Variants in CEP170B observed in about 807,000 individuals in gnomAD.
CEP170B encodes the protein centrosomal protein of 170 kDa protein B.
A neutral mutation model predicts 120.6 loss-of-function variants in CEP170B; 55 were observed. The observed-to-expected ratio is 0.46, with a 90% CI of 0.37 to 0.57. The LOEUF is 0.57. Among genes scored for constraint, CEP170B ranks in the 20% least tolerant of loss-of-function variants. CEP170B has a pLI of 0.00. For synonymous variants in CEP170B, 1,033 were observed against 954.5 expected, an observed-to-expected ratio of 1.08 and a Z score of -1.52; for missense variants, 2,212 against 2,253.3, an observed-to-expected ratio of 0.98 and a Z score of 0.37.
intron 2 of CEP170B, among the ~76,000 whole-genome samples, chr14:104,872,392 C>T (rs549979917): frequency 3.5e-5 from 2 of 57,890 alleles, no homozygotes; most frequent in East Asian, 3.4e-4. Context: ...GCATGTGTGC[C>T]GTGGGTGTGC....
rs370195295 is a variant in CEP170B, at chr14:104,884,249, C to T, written c.1470C>T (p.Phe490=). The T allele has an allele frequency of 9.6e-5, 148 of 1,544,616 alleles. 1 individual carries two copies. The highest frequency in any genetic ancestry group is 6.0e-4 in the African/African-American group (44 of 73,138). The change falls in exon 9 of 19, where the codon TTC becomes TTT. Residue 490 remains phenylalanine (F), a synonymous_variant. Transcript: ENST00000414716. ...SPASRTPARP[F]GSVGRRSRLA... is the part of the protein sequence containing the mutation. ...CCTCCCGAACCCCTGCCCGCCCCTT[C>T]GGAAGCGTGGGGCGCCGCTCCCGCC...
rs774713847 is a variant in CEP170B, at chr14:104,878,509, C to T, written c.333+8C>T. The T allele has an allele frequency of 1.5e-5, 24 of 1,609,866 alleles. No homozygotes were observed. Among genetic ancestry groups the T allele is most frequent in the East Asian group, 8.9e-5 (4 of 44,874 alleles). On this transcript the variant is annotated splice_region_variant and intron_variant, in intron 5 of 18. Transcript: ENST00000414716. ...CCGGAGGAGGCACTCAAGGTTAGTGCTGGCCAAGCCCGGGTGGCTCAGCCA... is the reference window on the plus strand; with the variant it reads ...CCGGAGGAGGCACTCAAGGTTAGTGTTGGCCAAGCCCGGGTGGCTCAGCCA...
chr14:104,892,079 G>A (rs1169952636), intron 13 of CEP170B, among the ~76,000 whole-genome samples: 1 of 152,142 alleles, frequency 6.6e-6, no homozygotes, highest in Non-Finnish European at 1.5e-5. Context: ...CCAGTGTGGG[G>A]GCCGAGGAGG....
chr14:104,879,536 T>C (rs1269465240), intron 5 of CEP170B, among the ~76,000 whole-genome samples: 1 of 152,144 alleles, frequency 6.6e-6, no homozygotes, highest in East Asian at 1.9e-4. Context: ...CCCGAGTTCC[T>C]GTCAGTCTCT....
chr14:104,893,626 A>C lies in CEP170B; in HGVS notation c.4142A>C (p.Asp1381Ala). 1 of 1,597,038 alleles carries C rather than the reference A, an allele frequency of 6.3e-7. No individual in the cohort carries two copies. The highest frequency in any genetic ancestry group is 1.1e-5 in the South Asian group (1 of 88,186). Residue 1381 changes from aspartate (D) to alanine (A), a missense_variant, in exon 15 of 19, where the codon GAC (aspartate) becomes GCC (alanine). Coordinates refer to ENST00000414716, the MANE Select transcript of CEP170B (RefSeq NM_001112726.3). ...FDQNMNDSCE[D>A]ALANKTRPRN... Reference sequence around the variant, plus strand: ...CAGAACATGAACGACAGCTGTGAGGACGCCCTGGCCAACAAGACGCGGCCT... The same window carrying C: ...CAGAACATGAACGACAGCTGTGAGGCCGCCCTGGCCAACAAGACGCGGCCT...
chr14:104,889,904 A>G (rs61996002), intron 13 of CEP170B, 146 bp downstream of exon 13: 22,819 of 120,056 alleles, frequency 0.19, 4,709 homozygotes, highest in Middle Eastern at 0.37. Flanking sequence ...ATGGATGGAC[A>G]AATGGATGGA....
chr14:104,878,042 C>G, intron 4 of CEP170B, 79 bp downstream of exon 4: 1 of 1,203,086 alleles, frequency 8.3e-7, no homozygotes, highest in Admixed American at 2.0e-5. Context: ...ACTCCAGAAG[C>G]AGGGCTGTCA....
chr14:104,893,052 C>T lies in CEP170B; in HGVS notation c.3955C>T (p.Leu1319=). 1 of 1,597,632 alleles carries T rather than the reference C, an allele frequency of 6.3e-7. No homozygotes were observed. The highest frequency in any genetic ancestry group is 2.3e-5 in the East Asian group (1 of 43,904). ...IHDVAGDGDT[L]GSSEPAHSAS... ...CGATGTGGCTGGGGACGGTGACACA[C>T]TGGGCTCCTCGGAGCCTGCCCACAG... The change falls in exon 14 of 19, where the codon CTG becomes TTG. Residue 1319 remains leucine (L), a synonymous_variant. Transcript: ENST00000414716.
intron 10 of CEP170B, 106 bp from the exon 11 acceptor site, chr14:104,885,934 G>A (rs902451060): frequency 4.7e-5 from 48 of 1,012,578 alleles, no homozygotes; most frequent in East Asian, 3.8e-4. Context: ...GCGCGCATGC[G>A]TGGGGCTGGT....
chr14:104,886,481 A>G lies in CEP170B; in HGVS notation c.2242A>G (p.Ser748Gly). The change falls in exon 12 of 19, where the codon AGC becomes GGC. Residue 748 changes from serine to glycine, a missense_variant. Ser to Gly is a moderately conservative substitution (Grantham distance 56, BLOSUM62 0). Transcript: ENST00000414716. The stretch of plus-strand genomic sequence containing the variant: ...GGAGGAGTTGGATCCTGACAGCCTC[A>G]GCGATGCCAGTGGGTCGGACGGGGG... ...GQEELDPDSL[S>G]DASGSDGGRG... The G allele has an allele frequency of 6.5e-7, 1 of 1,542,036 alleles. No individual in the cohort carries two copies. The highest frequency in any genetic ancestry group is 8.7e-7 in the Non-Finnish European group (1 of 1,146,728).
At chr14:104,880,845 A>C (rs1461596887) in intron 6 of CEP170B, among the ~76,000 whole-genome samples, 3 of 141,894 alleles carry the variant, frequency 2.1e-5, no homozygotes, top group African/African-American at 5.4e-5. Flanking sequence ...TCACACCCCC[A>C]CCCCTGTACA....
chr14:104,871,715 G>A (rs1214271552), intron 2 of CEP170B, among the ~76,000 whole-genome samples: 2 of 152,178 alleles, frequency 1.3e-5, no homozygotes, highest in Admixed American at 6.5e-5. Flanking sequence ...CCAAGGAGCC[G>A]CAGCAGCAGG....
intron 2 of CEP170B, among the ~76,000 whole-genome samples, chr14:104,871,225 G>C (rs1216459393): frequency 1.3e-5 from 2 of 152,212 alleles, no homozygotes; most frequent in Non-Finnish European, 2.9e-5. Context: ...CCTGGAGCCT[G>C]CTCTGTCCTC....
intron 9 of CEP170B, among the ~76,000 whole-genome samples, chr14:104,885,049 C>T (rs1396927712): frequency 6.5e-4 from 13 of 19,882 alleles, no homozygotes; most frequent in African/African-American, 2.1e-3. Context: ...TCGTGGGGAA[C>T]GGGGGGTGGA....
chr14:104,886,887 C>G lies in CEP170B; in HGVS notation c.2648C>G (p.Pro883Arg), dbSNP rs771243243. Residue 883 changes from proline (P) to arginine (R), a missense_variant, in exon 12 of 19, where the codon CCC (proline) becomes CGC (arginine). Pro to Arg is a moderately radical substitution (Grantham distance 103). Transcript: ENST00000414716. ...PASGPPAPGKPPHISSHPLLQ... is the reference protein window; with the variant it reads ...PASGPPAPGKRPHISSHPLLQ... ...AGTGGTCCCCCAGCGCCCGGCAAGC[C>G]CCCCCACATCTCCAGCCACCCGCTT... 1 of 1,610,348 alleles carries G rather than the reference C, an allele frequency of 6.2e-7. No individual in the cohort carries two copies. Among genetic ancestry groups the G allele is most frequent in the East Asian group, 2.2e-5 (1 of 44,880 alleles).
intron 16 of CEP170B, 65 bp downstream of exon 16, chr14:104,893,914 A>G: frequency 6.9e-7 from 1 of 1,459,472 alleles, no homozygotes; most frequent in Non-Finnish European, 9.5e-7. Flanking sequence ...GCTGAGACTC[A>G]GCCTGGCTGA....
chr14:104,872,424 C>CAT lies in CEP170B; in HGVS notation c.106-3832_106-3831insAT, dbSNP rs1566852638. On this transcript the variant is annotated intron_variant, in intron 2 of 18. Coordinates refer to ENST00000414716, the MANE Select transcript of CEP170B (RefSeq NM_001112726.3). ...GTGCGTGGGTGTGCCGTGGGTGTGC[C>CAT]GTGCGTGTGTGCGTGTGTGTGCCAT... Among the ~76,000 whole-genome samples the CAT allele has an allele frequency of 3.7e-5, 2 of 53,346 alleles. 1 individual carries two copies. Among genetic ancestry groups the CAT allele is most frequent in the Non-Finnish European group, 8.2e-5 (2 of 24,496 alleles). 35.0% of individuals were successfully genotyped at this position (53,346 alleles called of 152,430 possible). A position where few individuals can be genotyped will look rare whatever the true frequency, so the allele number is the denominator to read the frequency against.
rs151008084 is a variant in CEP170B at position 104,882,552 on chromosome 14, A to C, written c.473-176A>C. Among the ~76,000 whole-genome samples the C allele has an allele frequency of 8.1e-3, 1,234 of 151,994 alleles. 10 individuals are homozygous for C. The highest frequency in any genetic ancestry group is 0.013 in the Non-Finnish European group (879 of 67,922). On this transcript the variant is annotated intron_variant, in intron 6 of 18. Transcript: ENST00000414716. The stretch of plus-strand genomic sequence containing the variant: ...GGGAGGGGCCAGTGAGCCACCTCGG[A>C]ACTCAAGGTAGTCAACATTCCCCAC...
At chr14:104,872,310 C>T (rs12436693) in intron 2 of CEP170B, among the ~76,000 whole-genome samples, 44 of 48,126 alleles carry the variant, frequency 9.1e-4, no homozygotes, top group Non-Finnish European at 1.1e-3. Context: ...CATGGGTGTG[C>T]GTGTGTGCCG....
Sources: gnomAD v4.1 joint callset for allele counts (sites outside exome capture counted in the v4.1 genomes callset) on GRCh38, gnomAD v4.1.1 for gene constraint, MANE v1.5 for transcripts, NCBI Gene and HGNC (gene_info 2026-07-23, HGNC 2026-07-21) for gene names.